ACOXL: variants seen among roughly 807,000 people sequenced by gnomAD.
ACOXL encodes the protein acyl-coenzyme A oxidase-like protein.
ACOXL carries 70 observed loss-of-function variants against 71.9 expected under a neutral mutation model. The observed-to-expected ratio is 0.97, with a 90% confidence interval of 0.80 to 1.19. The LOEUF is 1.19. Ranked by LOEUF, ACOXL falls within the 50% of genes most tolerant of loss-of-function variation. The pLI, the probability that ACOXL is intolerant of heterozygous loss-of-function variation, is 0.00. For synonymous variants in ACOXL, 253 were observed against 281.6 expected (o/e 0.90, Z 1.02); for missense variants, 703 against 736.3 (o/e 0.95, Z 0.52).
intron 12 of ACOXL, among the ~76,000 whole-genome samples, chr2:110,977,253 G>T (rs2062488226): frequency 6.6e-6 from 1 of 151,978 alleles, no homozygotes; most frequent in Non-Finnish European, 1.5e-5. Flanking sequence ...AGGCGTGGTG[G>T]CAGGTGCCTG....
chr2:111,096,558 T>A (rs1417736318), intron 17 of ACOXL, among the ~76,000 whole-genome samples: 2 of 152,186 alleles, frequency 1.3e-5, no homozygotes, highest in African/African-American at 4.8e-5. Context: ...CACTTTTTCG[T>A]TTCCTGTTCC....
At chr2:111,053,359 C>T (rs2066389294) in intron 16 of ACOXL, among the ~76,000 whole-genome samples, 1 of 150,736 alleles carries the variant, frequency 6.6e-6, no homozygotes, top group Non-Finnish European at 1.5e-5. Context: ...CAAAACTTAT[C>T]ATCCAAACAT....
intron 2 of ACOXL, among the ~76,000 whole-genome samples, chr2:110,776,698 G>T (rs1682693706): frequency 1.3e-5 from 2 of 151,998 alleles, no homozygotes; most frequent in Admixed American, 6.6e-5. Context: ...GACAACCAGG[G>T]AGATGGTGAG....
intron 11 of ACOXL, among the ~76,000 whole-genome samples, chr2:110,918,213 A>G (rs2059935363): frequency 6.6e-6 from 1 of 152,200 alleles, no homozygotes; most frequent in Non-Finnish European, 1.5e-5. Context: ...AAACAAATAT[A>G]TAGACCAGTG....
At chr2:110,989,205 T>G (rs1205316248) in intron 13 of ACOXL, among the ~76,000 whole-genome samples, 1 of 152,168 alleles carries the variant, frequency 6.6e-6, no homozygotes, top group Non-Finnish European at 1.5e-5. Flanking sequence ...TTTTCTCCTT[T>G]GTGGACAGTC....
intron 7 of ACOXL, among the ~76,000 whole-genome samples, chr2:110,800,649 AAAG>A (rs1447843368): frequency 2.6e-5 from 4 of 152,120 alleles, no homozygotes; most frequent in Admixed American, 6.5e-5. Flanking sequence ...AGAAGAAAAA[AAAG>A]AAGGAAGAGA....
intron 14 of ACOXL, among the ~76,000 whole-genome samples, chr2:111,021,604 G>A (rs990647355): frequency 5.9e-5 from 9 of 152,230 alleles, no homozygotes; most frequent in South Asian, 4.1e-4. Context: ...CAGAAAGAGG[G>A]CATCTCAGAG....
At chr2:111,109,942 G>A (rs769774424) in intron 17 of ACOXL, among the ~76,000 whole-genome samples, 10 of 152,042 alleles carry the variant, frequency 6.6e-5, no homozygotes, top group Non-Finnish European at 1.5e-4. Flanking sequence ...GCTTCCCAAA[G>A]TGTGGAATTA....
chr2:110,939,564 T>C (rs1254710824), intron 12 of ACOXL, among the ~76,000 whole-genome samples: 4 of 152,244 alleles, frequency 2.6e-5, no homozygotes, highest in Non-Finnish European at 5.9e-5. Context: ...TCAGCTTATG[T>C]AAAATTGTTC....
chr2:110,968,756 AAG>A, intron 12 of ACOXL: 1 of 550,594 alleles, frequency 1.8e-6, no homozygotes, highest in Non-Finnish European at 3.0e-6. Flanking sequence ...TTTTCAGATA[AAG>A]ACAATAAACT....
At chr2:110,893,562 T>TA (rs1335692017) in intron 10 of ACOXL, among the ~76,000 whole-genome samples, 1 of 152,112 alleles carries the variant, frequency 6.6e-6, no homozygotes, top group Admixed American at 6.5e-5. Context: ...TCAAGGGCTT[T>TA]AAAAAAAGTT....
chr2:110,917,210 C>T (rs1046516798), intron 11 of ACOXL, among the ~76,000 whole-genome samples: 13 of 152,124 alleles, frequency 8.5e-5, no homozygotes, highest in African/African-American at 1.7e-4. Context: ...TTATCCATCA[C>T]GATCAATTTG....
At chr2:110,907,284 A>G (rs1384891615) in intron 10 of ACOXL, among the ~76,000 whole-genome samples, 1 of 152,188 alleles carries the variant, frequency 6.6e-6, no homozygotes, top group Non-Finnish European at 1.5e-5. Context: ...TCTATCAGAT[A>G]GGATCCTTAC....
intron 14 of ACOXL, among the ~76,000 whole-genome samples, chr2:111,008,086 C>CT (rs1378309472): frequency 6.6e-6 from 1 of 152,174 alleles, no homozygotes; most frequent in Non-Finnish European, 1.5e-5. Context: ...TGAATTTAAC[C>CT]TTACAGTATC....
chr2:110,735,836 G>A (rs1209125936), intron 1 of ACOXL, among the ~76,000 whole-genome samples: 1 of 152,220 alleles, frequency 6.6e-6, no homozygotes, highest in Non-Finnish European at 1.5e-5. Context: ...AATGAGATAA[G>A]CTTTTGAGAT....
At chr2:111,087,750 G>A (rs2068291028) in intron 16 of ACOXL, among the ~76,000 whole-genome samples, 1 of 152,182 alleles carries the variant, frequency 6.6e-6, no homozygotes, top group Non-Finnish European at 1.5e-5. Context: ...AAGATTTCAT[G>A]ACAAAGATGC....
intron 10 of ACOXL, among the ~76,000 whole-genome samples, chr2:110,853,092 G>A (rs990423274): frequency 3.9e-5 from 6 of 152,172 alleles, no homozygotes; most frequent in Middle Eastern, 3.4e-3. Context: ...CCAGAGTGCC[G>A]GGCCTCGGGC....
At chr2:110,995,833 T>C (rs941715977) in intron 13 of ACOXL, 60 bp from the exon 14 acceptor site, 1 of 1,346,996 alleles carries the variant, frequency 7.4e-7, no homozygotes, top group Non-Finnish European at 1.1e-6. Flanking sequence ...TCTATTTCTT[T>C]CAAATGAAAT....
At chr2:110,832,309 C>T (rs565740119) in intron 9 of ACOXL, among the ~76,000 whole-genome samples, 2 of 152,122 alleles carry the variant, frequency 1.3e-5, no homozygotes, top group South Asian at 2.1e-4. Context: ...GAGGCCGAGG[C>T]GGGTGGATCA....
Sources: gnomAD v4.1 joint callset for allele counts (sites outside exome capture counted in the v4.1 genomes callset) on GRCh38, gnomAD v4.1.1 for gene constraint, MANE v1.5 for transcripts, NCBI Gene and HGNC (gene_info 2026-07-23, HGNC 2026-07-21) for gene names.